Variants in PAK2 observed in about 807,000 individuals in gnomAD.
PAK2 encodes p21 (RAC1) activated kinase 2, also known as serine/threonine-protein kinase PAK 2.
In PAK2, 21 loss-of-function variants were observed where a neutral mutation model predicts 65.9. That is an observed-to-expected ratio of 0.32 (90% CI 0.23 to 0.46). The LOEUF (loss-of-function observed/expected upper bound fraction) is 0.46. PAK2 is among the 20% of genes least tolerant of loss of function. The pLI, the probability that PAK2 is intolerant of heterozygous loss-of-function variation, is 1.00. For synonymous variants in PAK2, 204 were observed against 219.7 expected, an observed-to-expected ratio of 0.93 and a Z score of 0.63; for missense variants, 324 against 642.6, an observed-to-expected ratio of 0.50 and a Z score of 5.36.
At chr3:196,815,963 T>C (rs747355359) in intron 11 of PAK2, among the ~76,000 whole-genome samples, 14 of 152,128 alleles carry the variant, frequency 9.2e-5, no homozygotes, top group Non-Finnish European at 1.8e-4. Context: ...TCTAGACATA[T>C]TATTAGCTTA....
chr3:196,814,779 G>A (rs1715939505), intron 11 of PAK2, among the ~76,000 whole-genome samples: 1 of 152,086 alleles, frequency 6.6e-6, no homozygotes, highest in Admixed American at 6.6e-5. Flanking sequence ...AATGAATTGT[G>A]GACCTTTGAA....
At position 196,781,547 on chromosome 3, in the gene PAK2, A is replaced by T. The variant is rs532778679; in HGVS notation, c.-21-1079A>T. ...AGCCTTTCAGCCATGCTCTGTGTTT[A>T]ATTTTGTCAGTATATCCAGATTCGT... is the stretch of plus-strand genomic sequence containing the variant. On this transcript the variant is annotated intron_variant, in intron 1 of 14. Coordinates refer to ENST00000327134, the MANE Select transcript of PAK2 (RefSeq NM_002577.4). Among the ~76,000 whole-genome samples the T allele has an allele frequency of 5.9e-5, 9 of 152,354 alleles. No homozygotes were observed. In the South Asian group the frequency reaches 1.4e-3, roughly 25 times the overall value.
chr3:196,764,183 A>G (rs1353306158), intron 1 of PAK2, among the ~76,000 whole-genome samples: 1 of 152,112 alleles, frequency 6.6e-6, no homozygotes, highest in Non-Finnish European at 1.5e-5. Context: ...ACACTGGGAA[A>G]AACTTCCTAC....
rs1407207614 is a variant in PAK2 at position 196,831,651 on chromosome 3, A to T, written c.*3246A>T. ...TTTCTTTTAGGGCTCACTTAAATAC[A>T]TGTTTGTATATACTGTATTCTAGCC... On this transcript the variant is annotated 3_prime_UTR_variant, in exon 15 of 15. Coordinates refer to ENST00000327134, the MANE Select transcript of PAK2 (RefSeq NM_002577.4). The T allele has an allele frequency of 6.6e-6, 1 of 152,210 alleles. No individual in the cohort carries two copies. The highest frequency in any genetic ancestry group is 1.9e-4 in the East Asian group (1 of 5,204). 9.4% of individuals were successfully genotyped at this position (152,210 alleles called of 1,614,324 possible). A position where few individuals can be genotyped will look rare whatever the true frequency, so the allele number is the denominator to read the frequency against.
chr3:196,807,954 C>T (rs546759854), intron 7 of PAK2, 40 bp downstream of exon 7: 182 of 1,565,570 alleles, frequency 1.2e-4, no homozygotes, highest in Middle Eastern at 1.7e-4. Flanking sequence ...AAATTGTTCA[C>T]GGCTCTTAAA....
At chr3:196,790,414 C>T (rs1445266438) in intron 2 of PAK2, among the ~76,000 whole-genome samples, 1 of 152,096 alleles carries the variant, frequency 6.6e-6, no homozygotes, top group Non-Finnish European at 1.5e-5. Flanking sequence ...TCCTAGGACA[C>T]TAGTTAAATT....
At chr3:196,821,972 T>C (rs1015976454) in intron 13 of PAK2, among the ~76,000 whole-genome samples, 3 of 152,202 alleles carry the variant, frequency 2.0e-5, no homozygotes, top group African/African-American at 7.2e-5. Context: ...TGCCAATCCG[T>C]GTTACAGCAT....
intron 2 of PAK2, among the ~76,000 whole-genome samples, chr3:196,792,022 G>A (rs1715090353): frequency 6.6e-6 from 1 of 152,168 alleles, no homozygotes; most frequent in South Asian, 2.1e-4. Context: ...TGGCTTAGCT[G>A]CTCAGGTGGC....
chr3:196,771,280 GCTT>G (rs1163382483), intron 1 of PAK2, among the ~76,000 whole-genome samples: 2 of 151,940 alleles, frequency 1.3e-5, no homozygotes, highest in Non-Finnish European at 2.9e-5. Context: ...TTCAATTACT[GCTT>G]CTGTGAAATT....
intron 1 of PAK2, among the ~76,000 whole-genome samples, chr3:196,773,948 A>G (rs1005812031): frequency 5.9e-5 from 9 of 151,600 alleles, no homozygotes; most frequent in African/African-American, 2.2e-4. Flanking sequence ...AGGCTGAGGC[A>G]GGAGAATCCA....
At chr3:196,777,587 G>C (rs58342959) in intron 1 of PAK2, among the ~76,000 whole-genome samples, 3,461 of 152,252 alleles carry the variant, frequency 0.023, 140 homozygotes, top group African/African-American at 0.078. Flanking sequence ...CTTCATTAAT[G>C]TTGACAAGTG....
rs575069276 is a variant in PAK2, at chr3:196,782,619, A to G, written c.-21-7A>G. On this transcript the variant is annotated splice_polypyrimidine_tract_variant and splice_region_variant and intron_variant, in intron 1 of 14. Transcript: ENST00000327134. ...TTTGTTACTAATTGTATTTTTTCCA[A>G]TTCCAGGCCATTTCATAATTCTGAA... 6 of 1,442,306 alleles carry G rather than the reference A, an allele frequency of 4.2e-6. No individual in the cohort carries two copies. In the African/African-American group the frequency reaches 4.3e-5, roughly 10 times the overall value. The allele number at this position is 1,442,306 out of a possible 1,614,324, so 89.3% of individuals were successfully genotyped here.
chr3:196,800,045 G>A (rs1282993161), intron 2 of PAK2, among the ~76,000 whole-genome samples: 2 of 152,212 alleles, frequency 1.3e-5, no homozygotes, highest in African/African-American at 2.4e-5. Context: ...AAGATTTGCT[G>A]TTTTCATGGA....
chr3:196,750,828 T>C, intron 1 of PAK2, among the ~76,000 whole-genome samples: 1 of 152,170 alleles, frequency 6.6e-6, no homozygotes, highest in East Asian at 1.9e-4. Context: ...TTTTATTTAA[T>C]GCTTTCTGTT....
In PAK2 at chr3:196,752,466, C is replaced by G. The variant is rs962793229; in HGVS notation, c.-22+12309C>G. On this transcript the variant is annotated intron_variant, in intron 1 of 14. Coordinates refer to ENST00000327134, the MANE Select transcript of PAK2 (RefSeq NM_002577.4). ...TCTGAAGATTATAAGATTTTTTTCT[C>G]TTAACCCTTTCTCACTTTATCCTCC... Among the ~76,000 whole-genome samples, 22 of 152,262 alleles carry G rather than the reference C, an allele frequency of 1.4e-4. 1 individual carries two copies. The highest frequency in any genetic ancestry group is 5.1e-4 in the African/African-American group (21 of 41,552).
chr3:196,796,053 G>A lies in PAK2; in HGVS notation c.188-5874G>A, dbSNP rs561787626. Among the ~76,000 whole-genome samples the A allele has an allele frequency of 2.0e-5, 3 of 152,304 alleles. No individual in the cohort carries two copies. The East Asian group carries it at 5.8e-4, about 29-fold the overall frequency. On this transcript the variant is annotated intron_variant, in intron 2 of 14. Transcript: ENST00000327134. Reference sequence around the variant, plus strand: ...GTCCACAGTAGGGCTCACGCTATGCGGTCCAACGCGGCTGCTGATCTGACA... The same window carrying A: ...GTCCACAGTAGGGCTCACGCTATGCAGTCCAACGCGGCTGCTGATCTGACA...
chr3:196,748,998 G>C (rs1307275940), intron 1 of PAK2, among the ~76,000 whole-genome samples: 1 of 152,092 alleles, frequency 6.6e-6, no homozygotes, highest in Non-Finnish European at 1.5e-5. Context: ...CCTTATGTAA[G>C]TGGAATCATA....
At chr3:196,798,245 C>G (rs1715316965) in intron 2 of PAK2, among the ~76,000 whole-genome samples, 1 of 152,022 alleles carries the variant, frequency 6.6e-6, no homozygotes. Flanking sequence ...AGGAGAGACA[C>G]ATTACCAATA....
intron 2 of PAK2, among the ~76,000 whole-genome samples, chr3:196,792,977 A>T (rs1715122255): frequency 6.6e-6 from 1 of 152,156 alleles, no homozygotes; most frequent in South Asian, 2.1e-4. Flanking sequence ...AATCTGTGAG[A>T]AGGGAAACAA....
Sources: gnomAD v4.1 joint callset for allele counts (sites outside exome capture counted in the v4.1 genomes callset) on GRCh38, gnomAD v4.1.1 for gene constraint, MANE v1.5 for transcripts, NCBI Gene and HGNC (gene_info 2026-07-23, HGNC 2026-07-21) for gene names.